NRDC: variants seen among roughly 807,000 people sequenced by gnomAD.
The protein encoded by NRDC is nardilysin convertase.
Under a neutral mutation model 147.1 loss-of-function variants are expected in NRDC, and 54 were observed. The ratio of observed to expected loss-of-function variants is 0.37; its 90% CI spans 0.29 to 0.46. NRDC has a LOEUF of 0.46. Ranked by LOEUF, NRDC falls within the 20% of genes least tolerant of loss-of-function variation. The pLI, the probability that NRDC is intolerant of heterozygous loss-of-function variation, is 1.00. For missense variants in NRDC, 1,082 were observed against 1,370.6 expected, an observed-to-expected ratio of 0.79 and a Z score of 3.33; for synonymous variants, 440 against 482.1, an observed-to-expected ratio of 0.91 and a Z score of 1.14.
intron 1 of NRDC, among the ~76,000 whole-genome samples, chr1:51,866,889 G>A (rs1406496000): frequency 6.6e-6 from 1 of 152,106 alleles, no homozygotes; most frequent in Non-Finnish European, 1.5e-5. Flanking sequence ...GGCAGAGAAG[G>A]TAATGGGAAG....
intron 11 of NRDC, 112 bp from the exon 12 acceptor site, chr1:51,814,925 T>G: frequency 3.4e-6 from 4 of 1,183,898 alleles, no homozygotes; most frequent in Non-Finnish European, 4.6e-6. Flanking sequence ...AATCTCAGCC[T>G]TTGAATGTAA....
rs763765517 is a variant in NRDC, at chr1:51,824,367, A to G, written c.1037-581T>C. Among the ~76,000 whole-genome samples the G allele has an allele frequency of 1.3e-3, 200 of 151,690 alleles. 1 individual carries two copies. Among genetic ancestry groups the G allele is most frequent in the Non-Finnish European group, 2.3e-3 (154 of 67,790 alleles). On this transcript the variant is annotated intron_variant, in intron 6 of 30. Coordinates refer to ENST00000352171, the MANE Select transcript of NRDC (RefSeq NM_001101662.2). Reference sequence around the variant, plus strand: ...TCTCAAACTCCTGACCTCATGATCCACCCGCCTCGGCCTCCCAAAGTGCTG... The same window carrying G: ...TCTCAAACTCCTGACCTCATGATCCGCCCGCCTCGGCCTCCCAAAGTGCTG...
chr1:51,809,525 A>C (rs1424329590), intron 16 of NRDC, 124 bp from the exon 17 acceptor site: 32 of 741,268 alleles, frequency 4.3e-5, no homozygotes, highest in Non-Finnish European at 7.5e-5. Context: ...TGTGACTGAC[A>C]CATATCCAGG....
At chr1:51,804,944 G>A (rs12041578) in intron 19 of NRDC, among the ~76,000 whole-genome samples, 6,866 of 149,852 alleles carry the variant, frequency 0.046, 222 homozygotes, top group Middle Eastern at 0.14. Context: ...TATCAACTAC[G>A]TTCAGACACA....
At chr1:51,872,183 A>G (rs998916445) in intron 1 of NRDC, among the ~76,000 whole-genome samples, 1 of 152,038 alleles carries the variant, frequency 6.6e-6, no homozygotes, top group Non-Finnish European at 1.5e-5. Flanking sequence ...AAAAACAGAG[A>G]GTTTTTTGTT....
At chr1:51,857,384 C>G (rs916319006) in intron 1 of NRDC, among the ~76,000 whole-genome samples, 2 of 152,164 alleles carry the variant, frequency 1.3e-5, no homozygotes, top group African/African-American at 4.8e-5. Context: ...GGGACTGCAC[C>G]AGAGCCTCTC....
intron 1 of NRDC, among the ~76,000 whole-genome samples, chr1:51,854,058 T>C (rs956945144): frequency 6.6e-5 from 10 of 152,178 alleles, no homozygotes; most frequent in Non-Finnish European, 4.4e-5. Flanking sequence ...ATGGATACCT[T>C]GAATTCCGTG....
At position 51,792,085 on chromosome 1, in the gene NRDC, T is replaced by G; in HGVS notation, c.2837A>C (p.Glu946Ala). The stretch of plus-strand genomic sequence containing the variant: ...GGTTCGAAGGAAGTCAAAACAAGGT[T>G]CTTCCATGTGCATCTGTAATTCAAC... ...LMELLVMHME[E>A]PCFDFLRTKQ... Residue 946 changes from glutamate to alanine, a missense_variant, in exon 26 of 31, where the codon GAA becomes GCA. Glu to Ala is a moderately radical substitution (Grantham distance 107, BLOSUM62 -1). Around this residue, in one of 3 missense-constraint regions of NRDC, gnomAD observed 635 missense variants for 923.8 expected, o/e 0.69. Transcript: ENST00000352171. The G allele has an allele frequency of 9.3e-6, 15 of 1,613,950 alleles. No individual in the cohort carries two copies. The highest frequency in any genetic ancestry group is 1.1e-5 in the Non-Finnish European group (13 of 1,179,996).
intron 21 of NRDC, 138 bp from the exon 22 acceptor site, chr1:51,798,549 A>G: frequency 1.4e-6 from 1 of 698,502 alleles, no homozygotes; most frequent in South Asian, 2.3e-5. Context: ...GTAAGATGGG[A>G]AAACAGTATC....
At chr1:51,867,921 T>C (rs1337735277) in intron 1 of NRDC, among the ~76,000 whole-genome samples, 2 of 152,172 alleles carry the variant, frequency 1.3e-5, no homozygotes, top group Admixed American at 6.5e-5. Context: ...TTTTCTCTCC[T>C]GAAGATGGAA....
At chr1:51,839,356 G>A (rs1353364906) in intron 2 of NRDC, among the ~76,000 whole-genome samples, 1 of 151,650 alleles carries the variant, frequency 6.6e-6, no homozygotes, top group Non-Finnish European at 1.5e-5. Context: ...GAGAGACAGG[G>A]TTTCACCACA....
chr1:51,823,436 A>G (rs1680299372), intron 7 of NRDC, among the ~76,000 whole-genome samples: 1 of 152,204 alleles, frequency 6.6e-6, no homozygotes, highest in Non-Finnish European at 1.5e-5. Flanking sequence ...TCTTACAGAT[A>G]AGACCTATTT....
intron 4 of NRDC, among the ~76,000 whole-genome samples, chr1:51,833,159 C>A (rs1054326015): frequency 6.6e-6 from 1 of 151,998 alleles, no homozygotes; most frequent in Non-Finnish European, 1.5e-5. Context: ...ATATTTTCTA[C>A]TAAATTCTGT....
intron 20 of NRDC, 140 bp from the exon 21 acceptor site, chr1:51,800,823 A>G: frequency 1.3e-6 from 1 of 763,804 alleles, no homozygotes; most frequent in Non-Finnish European, 2.1e-6. Flanking sequence ...ATTACTAACA[A>G]CTCAATTTGT....
intron 1 of NRDC, among the ~76,000 whole-genome samples, chr1:51,863,575 A>C (rs1490143283): frequency 6.6e-6 from 1 of 152,202 alleles, no homozygotes; most frequent in African/African-American, 2.4e-5. Flanking sequence ...AGTTAAAACA[A>C]GAAGTAATAC....
chr1:51,791,463 A>C, intron 27 of NRDC, 115 bp downstream of exon 27: 1 of 797,414 alleles, frequency 1.3e-6, no homozygotes, highest in Non-Finnish European at 2.2e-6. Context: ...GCTTCCACTG[A>C]CTAAATAGAG....
Position 51,825,375 on chromosome 1 carries a change from T to C in NRDC, c.948A>G (p.Gln316=). The change falls in exon 6 of 31, where the codon CAA becomes CAG. Residue 316 remains glutamine (Q), a synonymous_variant. Coordinates refer to ENST00000352171, the MANE Select transcript of NRDC (RefSeq NM_001101662.2). ...REVEAVDSEY[Q]LARPSDANRK... is the part of the protein sequence containing the mutation. ...TGTTTGCATCAGAAGGCCTTGCAAG[T>C]TGATATTCTGTCAATTTTAAATAAA... 1 of 1,588,792 alleles carries C rather than the reference T, an allele frequency of 6.3e-7. No individual in the cohort carries two copies. Among genetic ancestry groups the C allele is most frequent in the Non-Finnish European group, 8.5e-7 (1 of 1,173,580 alleles).
At chr1:51,798,166 G>A (rs1679018711) in intron 22 of NRDC, 83 bp downstream of exon 22, 2 of 1,402,470 alleles carry the variant, frequency 1.4e-6, no homozygotes, top group Admixed American at 1.8e-5. Flanking sequence ...CAAAACTACA[G>A]CTTCCCCTTT....
At chr1:51,838,671 G>A (rs941477813) in intron 2 of NRDC, among the ~76,000 whole-genome samples, 4 of 151,886 alleles carry the variant, frequency 2.6e-5, no homozygotes, top group African/African-American at 4.8e-5. Flanking sequence ...CTAAAATCAC[G>A]CAGAAAGAAA....
Sources: gnomAD v4.1 joint callset for allele counts (sites outside exome capture counted in the v4.1 genomes callset) on GRCh38, gnomAD v4.1.1 for gene constraint, gnomAD v4.1.1 regional missense constraint, MANE v1.5 for transcripts, NCBI Gene and HGNC (gene_info 2026-07-23, HGNC 2026-07-21) for gene names.